Variants in RBFOX1 observed in about 807,000 individuals in gnomAD.
RBFOX1 encodes the protein RNA binding protein fox-1 homolog 1.
RBFOX1 carries 8 observed loss-of-function variants against 57.7 expected under a neutral mutation model. The ratio of observed to expected loss-of-function variants is 0.14; its 90% CI spans 0.08 to 0.25. The LOEUF is 0.25. Among genes scored for constraint, RBFOX1 ranks in the 10% least tolerant of loss-of-function variants. The pLI is 1.00. For missense variants in RBFOX1, 611 were observed against 548.5 expected, an observed-to-expected ratio of 1.11 and a Z score of -1.14; for synonymous variants, 326 against 222.4, an observed-to-expected ratio of 1.47 and a Z score of -4.15.
chr16:6,669,930 A>G (rs1171319675), intron 3 of RBFOX1, among the ~76,000 whole-genome samples: 3 of 152,210 alleles, frequency 2.0e-5, no homozygotes, highest in Non-Finnish European at 4.4e-5. Context: ...ATCCAGTCAA[A>G]GGAGTAACTT....
At position 6,925,373 on chromosome 16, in the gene RBFOX1, C is replaced by CCTTGGTCT. The variant is rs2075377390; in HGVS notation, c.-15-126682_-15-126675dup. Among the ~76,000 whole-genome samples, 7 of 151,792 alleles carry CCTTGGTCT rather than the reference C, an allele frequency of 4.6e-5. No homozygotes were observed. In the South Asian group the frequency reaches 1.5e-3, roughly 32 times the overall value. ...CTCCTGACCTCAGGCGATCTACCTG[C>CCTTGGTCT]CTTGGTCTCCGAACGTGCCGGGATT... is the stretch of plus-strand genomic sequence containing the variant. On this transcript the variant is annotated intron_variant, in intron 3 of 15. Transcript: ENST00000550418.
chr16:6,621,600 C>T (rs576678675), intron 2 of RBFOX1, among the ~76,000 whole-genome samples: 1 of 152,248 alleles, frequency 6.6e-6, no homozygotes, highest in South Asian at 2.1e-4. Flanking sequence ...TCTCAGGTAC[C>T]AGGGACTAGG....
rs534796797 is a variant in RBFOX1 at position 6,828,597 on chromosome 16, A to G, written c.-16+173947A>G. ...CTGATCAGATCCTGAAAAACCGGGCATGGACCAAGCTGGCTAAGACCAAGT... is the reference window on the plus strand; with the variant it reads ...CTGATCAGATCCTGAAAAACCGGGCGTGGACCAAGCTGGCTAAGACCAAGT... On this transcript the variant is annotated intron_variant, in intron 3 of 15. Transcript: ENST00000550418. Among the ~76,000 whole-genome samples, 10 of 152,024 alleles carry G rather than the reference A, an allele frequency of 6.6e-5. No individual in the cohort carries two copies. The East Asian group carries it at 1.6e-3, about 24-fold the overall frequency.
Position 6,658,344 on chromosome 16 carries a change from G to A in RBFOX1, c.-16+3694G>A, listed in dbSNP as rs901351843. On this transcript the variant is annotated intron_variant, in intron 3 of 15. Coordinates refer to ENST00000550418, the MANE Select transcript of RBFOX1 (RefSeq NM_018723.4). ...CAACCTCCGCCTCCCGGGTTCAAGC[G>A]ATTCTCCTGCCTCAGCCTCCTGCCT... 9.2e-5 allele frequency among the ~76,000 whole-genome samples: 14 copies of A among 151,552 alleles called. 2 individuals carry two copies. The highest frequency in any genetic ancestry group is 8.6e-4 in the Admixed American group (13 of 15,204).
chr16:6,178,979 T>A (rs1567622530), intron 1 of RBFOX1, among the ~76,000 whole-genome samples: 1 of 152,124 alleles, frequency 6.6e-6, no homozygotes, highest in South Asian at 2.1e-4. Context: ...TTGTCTCAAT[T>A]GGGAAGGATT....
intron 1 of RBFOX1, among the ~76,000 whole-genome samples, chr16:5,454,219 C>T (rs565864518): frequency 3.9e-5 from 6 of 152,120 alleles, no homozygotes; most frequent in Non-Finnish European, 7.4e-5. Context: ...GATCTCTGGC[C>T]GAAGTCCTTC....
chr16:7,025,378 G>A (rs911492306), intron 3 of RBFOX1, among the ~76,000 whole-genome samples: 1 of 152,110 alleles, frequency 6.6e-6, no homozygotes, highest in African/African-American at 2.4e-5. Flanking sequence ...ACTGCAAACT[G>A]TTTTTATCAG....
In RBFOX1 at chr16:6,532,984, T is replaced by C. The variant is rs73532181; in HGVS notation, c.-63-121619T>C. ...TGTCCCTGTGGAACATTGTGATTAC[T>C]CGAAGTTGTCCTAGCTACTTGGGAA... On this transcript the variant is annotated intron_variant, in intron 2 of 15. Coordinates refer to ENST00000550418, the MANE Select transcript of RBFOX1 (RefSeq NM_018723.4). Among the ~76,000 whole-genome samples, 705 of 152,318 alleles carry C rather than the reference T, an allele frequency of 4.6e-3. 6 individuals are homozygous for C. Among genetic ancestry groups the C allele is most frequent in the African/African-American group, 0.016 (684 of 41,574 alleles).
chr16:5,654,803 C>G (rs554957202), intron 3 of RBFOX1, among the ~76,000 whole-genome samples: 2 of 151,450 alleles, frequency 1.3e-5, no homozygotes, highest in Non-Finnish European at 3.0e-5. Context: ...CTCTCTCTCT[C>G]TCTGTCCCTC....
chr16:7,270,917 A>C (rs1463616465), intron 4 of RBFOX1, among the ~76,000 whole-genome samples: 1 of 152,060 alleles, frequency 6.6e-6, no homozygotes, highest in Admixed American at 6.6e-5. Context: ...CCTTTCCATC[A>C]TGGTTAGGAA....
chr16:6,257,326 A>G (rs1363457042), intron 1 of RBFOX1, among the ~76,000 whole-genome samples: 1 of 152,158 alleles, frequency 6.6e-6, no homozygotes, highest in Non-Finnish European at 1.5e-5. Context: ...AAGGAGCAAT[A>G]AATTCACTCC....
intron 4 of RBFOX1, among the ~76,000 whole-genome samples, chr16:7,165,919 C>G (rs1452048849): frequency 7.3e-6 from 1 of 137,878 alleles, no homozygotes; most frequent in African/African-American, 2.8e-5. Flanking sequence ...CCCCTGCACC[C>G]CACCGCATGC....
At chr16:6,665,925 A>G (rs1046283505) in intron 3 of RBFOX1, among the ~76,000 whole-genome samples, 1 of 152,090 alleles carries the variant, frequency 6.6e-6, no homozygotes, top group African/African-American at 2.4e-5. Flanking sequence ...GAGCTCCCAT[A>G]ATTCCCACAT....
intron 3 of RBFOX1, among the ~76,000 whole-genome samples, chr16:6,721,316 G>A (rs987894664): frequency 6.6e-6 from 1 of 152,040 alleles, no homozygotes; most frequent in African/African-American, 2.4e-5. Flanking sequence ...GGTGGCGGGT[G>A]CCTGTAATCC....
In RBFOX1 at chr16:7,237,199, G is replaced by C. The variant is rs148083005; in HGVS notation, c.27+185101G>C. ...GCCATCACAGAAAATAACTTCCCTT[G>C]CCTGGCATCTGGGTTCTTGCCTTGT... On this transcript the variant is annotated intron_variant, in intron 4 of 15. Coordinates refer to ENST00000550418, the MANE Select transcript of RBFOX1 (RefSeq NM_018723.4). 8.5e-5 allele frequency among the ~76,000 whole-genome samples: 13 copies of C among 152,226 alleles called. No homozygotes were observed. The East Asian group carries it at 2.3e-3, about 27-fold the overall frequency.
At chr16:6,410,699 A>C (rs549663488) in intron 2 of RBFOX1, among the ~76,000 whole-genome samples, 33 of 152,278 alleles carry the variant, frequency 2.2e-4, no homozygotes, top group African/African-American at 7.7e-4. Context: ...GTGCACGTTG[A>C]ATCACGTGTG....
At chr16:6,541,052 T>A (rs2096809395) in intron 2 of RBFOX1, among the ~76,000 whole-genome samples, 1 of 152,184 alleles carries the variant, frequency 6.6e-6, no homozygotes, top group African/African-American at 2.4e-5. Context: ...CCTAGGATAA[T>A]GCTACTTTTA....
At chr16:6,524,287 TC>T (rs2096548833) in intron 2 of RBFOX1, among the ~76,000 whole-genome samples, 2 of 152,198 alleles carry the variant, frequency 1.3e-5, no homozygotes, top group Non-Finnish European at 2.9e-5. Flanking sequence ...AACACAATGA[TC>T]TCCAGTTCAT....
chr16:7,644,525 C>T (rs377431271), intron 11 of RBFOX1, among the ~76,000 whole-genome samples: 4 of 152,184 alleles, frequency 2.6e-5, no homozygotes, highest in Admixed American at 6.5e-5. Flanking sequence ...GCATCCCTCA[C>T]AGGCCGCTCC....
Sources: gnomAD v4.1 joint callset for allele counts (sites outside exome capture counted in the v4.1 genomes callset) on GRCh38, gnomAD v4.1.1 for gene constraint, MANE v1.5 for transcripts, NCBI Gene and HGNC (gene_info 2026-07-23, HGNC 2026-07-21) for gene names.